Variants in GRM5 observed in about 807,000 individuals in gnomAD.
GRM5 encodes the protein glutamate metabotropic receptor 5.
A neutral mutation model predicts 83.1 loss-of-function variants in GRM5; 19 were observed. That is an observed-to-expected ratio of 0.23 (90% CI 0.16 to 0.34). The LOEUF (loss-of-function observed/expected upper bound fraction) is 0.34, where lower values mean the gene tolerates loss of function less well. GRM5 is among the 10% of genes least tolerant of loss of function. GRM5 has a pLI of 1.00. For missense variants in GRM5, 1,160 were observed against 1,588.3 expected (o/e 0.73, Z 4.58); for synonymous variants, 675 against 633.6 (o/e 1.07, Z -0.98).
chr11:88,599,524 G>A (rs1057272648), intron 5 of GRM5, among the ~76,000 whole-genome samples: 6 of 152,128 alleles, frequency 3.9e-5, no homozygotes, highest in East Asian at 1.9e-4. Flanking sequence ...ATATTCTCCC[G>A]TTGACTTGTG....
intron 7 of GRM5, among the ~76,000 whole-genome samples, chr11:88,588,496 A>C (rs1943366122): frequency 6.6e-6 from 1 of 152,146 alleles, no homozygotes; most frequent in Non-Finnish European, 1.5e-5. Flanking sequence ...AAGTTACTGC[A>C]ATATTTAAAT....
At chr11:88,634,478 T>C (rs1441810386) in intron 4 of GRM5, among the ~76,000 whole-genome samples, 1 of 152,184 alleles carries the variant, frequency 6.6e-6, no homozygotes, top group African/African-American at 2.4e-5. Flanking sequence ...ATTTTTTAAA[T>C]GTTTTTGTTA....
intron 1 of GRM5, among the ~76,000 whole-genome samples, chr11:89,064,925 A>T (rs1419162940): frequency 5.7e-5 from 4 of 70,044 alleles, no homozygotes; most frequent in East Asian, 4.6e-4. Flanking sequence ...TGAGAGAGAG[A>T]GAGAGAGAGA....
intron 4 of GRM5, among the ~76,000 whole-genome samples, chr11:88,609,794 T>G (rs1407457420): frequency 6.6e-6 from 1 of 152,214 alleles, no homozygotes; most frequent in Non-Finnish European, 1.5e-5. Flanking sequence ...AATTTAGTCA[T>G]AAATTCTTTG....
chr11:88,675,408 G>T (rs907604246), intron 3 of GRM5, among the ~76,000 whole-genome samples: 1 of 151,850 alleles, frequency 6.6e-6, no homozygotes, highest in Admixed American at 6.6e-5. Flanking sequence ...AGATATGTCG[G>T]CAATTTAAAT....
At chr11:88,841,802 C>G (rs1196855114) in intron 3 of GRM5, among the ~76,000 whole-genome samples, 1 of 151,952 alleles carries the variant, frequency 6.6e-6, no homozygotes, top group East Asian at 1.9e-4. Context: ...TTAAGGTTCA[C>G]AGTATTGCAA....
intron 2 of GRM5, among the ~76,000 whole-genome samples, chr11:88,875,620 T>C (rs1944840724): frequency 1.3e-5 from 2 of 152,164 alleles, no homozygotes; most frequent in Middle Eastern, 3.4e-3. Flanking sequence ...TCACAATCTG[T>C]GGCAGCTATA....
chr11:89,048,068 T>C lies in GRM5; in HGVS notation c.-196A>G. 1 of 533,018 alleles carries C rather than the reference T, an allele frequency of 1.9e-6. No homozygotes were observed. The highest frequency in any genetic ancestry group is 3.3e-6 in the Non-Finnish European group (1 of 303,414). The allele number at this position is 533,018 out of a possible 1,614,324, so 33.0% of individuals were successfully genotyped here. ...GATGATCCATGTGGTCATGATCTTC[T>C]AAACCTGAAAAAAAAAAAATAACAT... On this transcript the variant is annotated 5_prime_UTR_variant, in exon 2 of 10. Coordinates refer to ENST00000305447, the MANE Select transcript of GRM5 (RefSeq NM_001143831.3).
At chr11:88,803,988 A>G (rs1943450689) in intron 3 of GRM5, among the ~76,000 whole-genome samples, 1 of 150,856 alleles carries the variant, frequency 6.6e-6, no homozygotes, top group Non-Finnish European at 1.5e-5. Flanking sequence ...ACAATGAGAT[A>G]CCATCTCACA....
intron 2 of GRM5, among the ~76,000 whole-genome samples, chr11:89,025,147 A>G (rs543209645): frequency 1.4e-4 from 21 of 152,300 alleles, no homozygotes; most frequent in African/African-American, 5.1e-4. Context: ...GCATAAGGAA[A>G]AAAATGTTAT....
intron 3 of GRM5, among the ~76,000 whole-genome samples, chr11:88,761,639 A>G (rs1942518059): frequency 6.6e-6 from 1 of 152,148 alleles, no homozygotes; most frequent in Non-Finnish European, 1.5e-5. Flanking sequence ...AAAGTAATTT[A>G]TAGATTCAAT....
intron 4 of GRM5, among the ~76,000 whole-genome samples, chr11:88,630,552 C>A (rs1347196472): frequency 8.8e-5 from 2 of 22,654 alleles, no homozygotes; most frequent in Middle Eastern, 0.017. Context: ...CACACACACA[C>A]ACACACACAC....
chr11:88,613,426 T>G (rs1189459831), intron 4 of GRM5, among the ~76,000 whole-genome samples: 2 of 152,200 alleles, frequency 1.3e-5, no homozygotes, highest in Admixed American at 1.3e-4. Flanking sequence ...TCTTCTTGTT[T>G]GTATTGTAAC....
At chr11:89,009,900 CAAAAAAAAAAAA>C (rs758398638) in intron 2 of GRM5, among the ~76,000 whole-genome samples, 2,752 of 21,594 alleles carry the variant, frequency 0.13, 85 homozygotes, top group African/African-American at 0.3. Context: ...GACTCCGTCT[CAAAAAAAAAAAA>C]AAAAAAAAAA....
At chr11:88,701,343 T>A (rs1941030354) in intron 3 of GRM5, among the ~76,000 whole-genome samples, 3 of 152,258 alleles carry the variant, frequency 2.0e-5, no homozygotes, top group South Asian at 4.1e-4. Flanking sequence ...AAGAAGGACA[T>A]GGTGATCAGG....
chr11:88,722,954 C>A (rs1054474829), intron 3 of GRM5, among the ~76,000 whole-genome samples: 2 of 144,044 alleles, frequency 1.4e-5, no homozygotes, highest in East Asian at 4.0e-4. Flanking sequence ...CATGTATCCA[C>A]CATTATAGCC....
At chr11:88,713,693 C>T (rs1202204249) in intron 3 of GRM5, among the ~76,000 whole-genome samples, 1 of 151,958 alleles carries the variant, frequency 6.6e-6, no homozygotes, top group Non-Finnish European at 1.5e-5. Context: ...AACATTTTTT[C>T]TCCAGTGGGA....
intron 2 of GRM5, among the ~76,000 whole-genome samples, chr11:89,032,135 T>C (rs1462686902): frequency 8.5e-5 from 13 of 152,080 alleles, no homozygotes; most frequent in Non-Finnish European, 1.9e-4. Context: ...TGCAATGTGC[T>C]CAGAAAACTG....
chr11:88,984,730 A>T (rs1212928651), intron 2 of GRM5: 1 of 695,886 alleles, frequency 1.4e-6, no homozygotes, highest in South Asian at 1.6e-5. Context: ...GGTTTATTAA[A>T]GCTATAGGAG....
Sources: allele counts gnomAD v4.1 joint callset (sites outside exome capture counted in the v4.1 genomes callset), GRCh38; gene constraint gnomAD v4.1.1; transcripts MANE v1.5; gene names NCBI Gene and HGNC (gene_info 2026-07-23, HGNC 2026-07-21).